The following WDFY4 variants were observed in gnomAD, a reference collection of about 807,000 sequenced individuals.
WDFY4 encodes WDFY family member 4.
Under a neutral mutation model 351.9 loss-of-function variants are expected in WDFY4, and 169 were observed. The ratio of observed to expected loss-of-function variants is 0.48; its 90% CI spans 0.42 to 0.55. The LOEUF (loss-of-function observed/expected upper bound fraction) is 0.55, where lower values mean the gene tolerates loss of function less well. WDFY4 is among the 20% of genes least tolerant of loss of function. The pLI is 0.00. For synonymous variants in WDFY4, 1,622 were observed against 1,574.6 expected (o/e 1.03, Z -0.71); for missense variants, 3,803 against 3,935.6 (o/e 0.97, Z 0.90).
Position 48,890,681 on chromosome 10 carries a change from C to T in WDFY4, c.7270C>T (p.Leu2424=), listed in dbSNP as rs2070658443. The change falls in exon 44 of 62, where the codon CTG becomes TTG. Residue 2424 remains leucine, a synonymous_variant. Coordinates refer to ENST00000325239, the MANE Select transcript of WDFY4 (RefSeq NM_001394531.1). ...CTTCTACATCTGCGAGAACTTCACA[C>T]TGTCTCCCACGGGTGATGTCTACTG... The part of the protein sequence containing the change: ...QHFYICENFT[L]SPTGDVYCTR... 6.4e-7 allele frequency: 1 copy of T among 1,551,714 alleles called. No homozygotes were observed. The highest frequency in any genetic ancestry group is 8.7e-7 in the Non-Finnish European group (1 of 1,146,978).
chr10:48,733,348 A>G (rs2064533930), intron 9 of WDFY4, among the ~76,000 whole-genome samples: 1 of 152,072 alleles, frequency 6.6e-6, no homozygotes, highest in Non-Finnish European at 1.5e-5. Context: ...TGAGCTTCCA[A>G]TTTGTGTCAG....
chr10:48,810,898 CT>C (rs958443892), intron 29 of WDFY4, among the ~76,000 whole-genome samples, 163 bp downstream of exon 29: 7 of 152,230 alleles, frequency 4.6e-5, no homozygotes, highest in Non-Finnish European at 1.0e-4. Flanking sequence ...CCCAGCCCCC[CT>C]GACATCCTTT....
chr10:48,825,557 C>G (rs1293224094), intron 35 of WDFY4, among the ~76,000 whole-genome samples: 1 of 152,292 alleles, frequency 6.6e-6, no homozygotes, highest in East Asian at 1.9e-4. Context: ...GATGGTTGAA[C>G]AAATTTACAT....
At chr10:48,912,019 C>T (rs1370540217) in intron 47 of WDFY4, among the ~76,000 whole-genome samples, 1 of 152,210 alleles carries the variant, frequency 6.6e-6, no homozygotes. Context: ...TCATCATCCA[C>T]TCAGCAAACT....
At chr10:48,935,111 A>G (rs1840272243) in intron 47 of WDFY4, 1 of 152,300 alleles carries the variant, frequency 6.6e-6, no homozygotes, top group South Asian at 2.1e-4. Context: ...GTAGAGATCC[A>G]AGCAGTTGTT....
intron 31 of WDFY4, among the ~76,000 whole-genome samples, chr10:48,816,458 T>A (rs2067623470): frequency 6.6e-6 from 1 of 152,270 alleles, no homozygotes; most frequent in Admixed American, 6.5e-5. Context: ...GTTTTTAAAC[T>A]TTTGTTCTCT....
At chr10:48,757,720 T>G (rs139180746) in intron 12 of WDFY4, among the ~76,000 whole-genome samples, 117 of 152,164 alleles carry the variant, frequency 7.7e-4, no homozygotes, top group African/African-American at 2.7e-3. Flanking sequence ...TAGTATTCAA[T>G]TTGAGTTTAT....
At chr10:48,910,278 A>G in intron 47 of WDFY4, 1 of 1,613,022 alleles carries the variant, frequency 6.2e-7, no homozygotes, top group Non-Finnish European at 8.5e-7. Flanking sequence ...GAGACACAAG[A>G]AGGTGAGGCA....
chr10:48,948,950 G>C (rs547681493), intron 51 of WDFY4, among the ~76,000 whole-genome samples: 3 of 152,338 alleles, frequency 2.0e-5, no homozygotes, highest in African/African-American at 7.2e-5. Flanking sequence ...GGATATCTGG[G>C]CTATGGCCAC....
Position 48,807,937 on chromosome 10 carries a change from C to T in WDFY4, c.4817C>T (p.Pro1606Leu). 5 of 1,547,770 alleles carry T rather than the reference C, an allele frequency of 3.2e-6. No individual in the cohort carries two copies. Among genetic ancestry groups the T allele is most frequent in the Middle Eastern group, 3.3e-4 (2 of 5,978 alleles). ...LEMLLSVISSPQLHLSSESKE... is the reference protein window; with the variant it reads ...LEMLLSVISSLQLHLSSESKE... The stretch of plus-strand genomic sequence containing the variant: ...ATGCTGCTCAGTGTAATATCTTCCC[C>T]CCAGCTTCATCTGTCCTCTGAGTAA... Residue 1606 changes from proline to leucine, a missense_variant, in exon 28 of 62, where the codon CCC (proline) becomes CTC (leucine). Pro to Leu is a moderately conservative substitution (Grantham distance 98, BLOSUM62 -3). Transcript: ENST00000325239.
At chr10:48,844,892 C>T (rs1005490157) in intron 39 of WDFY4, among the ~76,000 whole-genome samples, 1 of 152,138 alleles carries the variant, frequency 6.6e-6, no homozygotes, top group South Asian at 2.1e-4. Context: ...ATTCTAGGTA[C>T]ATAAAGAAAT....
In WDFY4 at chr10:48,867,353, A is replaced by G; in HGVS notation, c.6741+11A>G. ...AAAGACCATGTGCAAGTAAGAAACA[A>G]AACATAGGCTTTCTCTATACAGCAA... is the stretch of plus-strand genomic sequence containing the variant. On this transcript the variant is annotated intron_variant, in intron 40 of 61. Transcript: ENST00000325239. The G allele has an allele frequency of 6.8e-7, 1 of 1,469,060 alleles. No individual in the cohort carries two copies. The highest frequency in any genetic ancestry group is 2.6e-5 in the East Asian group (1 of 38,398). The allele number at this position is 1,469,060 out of a possible 1,614,324, so 91.0% of individuals were successfully genotyped here.
intron 45 of WDFY4, 78 bp downstream of exon 45, chr10:48,897,652 G>T: frequency 6.6e-7 from 1 of 1,507,894 alleles, no homozygotes; most frequent in Non-Finnish European, 8.9e-7. Flanking sequence ...GAGCCATCCA[G>T]AGACACACCT....
At chr10:48,951,664 T>C (rs193106663) in intron 51 of WDFY4, among the ~76,000 whole-genome samples, 1 of 152,308 alleles carries the variant, frequency 6.6e-6, no homozygotes, top group African/African-American at 2.4e-5. Flanking sequence ...CGGGGTCTTA[T>C]TATGTTGCCC....
chr10:48,844,254 G>T (rs2068703248), intron 39 of WDFY4, among the ~76,000 whole-genome samples: 1 of 152,208 alleles, frequency 6.6e-6, no homozygotes, highest in African/African-American at 2.4e-5. Flanking sequence ...AAAGAAGGAA[G>T]GAGAGATGGA....
rs555759261 is a variant in WDFY4, at chr10:48,718,710, C to T, written c.235-1301C>T. On this transcript the variant is annotated intron_variant, in intron 2 of 61. Transcript: ENST00000325239. ...TCTGGAATGAGCCCTTCTCATCGCA[C>T]GACTAGGAAACTTAGTCAGTCCTAC... Among the ~76,000 whole-genome samples the T allele has an allele frequency of 3.1e-4, 47 of 152,300 alleles. No individual in the cohort carries two copies. The South Asian group carries it at 8.1e-3, about 26-fold the overall frequency.
rs376722367 is a variant in WDFY4, at chr10:48,810,664, C to T, written c.4973C>T (p.Thr1658Ile). 2 of 1,551,692 alleles carry T rather than the reference C, an allele frequency of 1.3e-6. No individual in the cohort carries two copies. Among genetic ancestry groups the T allele is most frequent in the African/African-American group, 1.4e-5 (1 of 73,160 alleles). ...TTTCTGGCAAGCCCCTCCCTCCGCA[C>T]ACGGTTTAGAGATGGCCTGTGTGCA... ...LYFLASPSLR[T>I]RFRDGLCAGS... The change falls in exon 29 of 62, where the codon ACA becomes ATA. Residue 1658 changes from threonine (T) to isoleucine (I), a missense_variant. Coordinates refer to ENST00000325239, the MANE Select transcript of WDFY4 (RefSeq NM_001394531.1).
chr10:48,757,678 C>T, intron 12 of WDFY4, among the ~76,000 whole-genome samples: 1 of 151,500 alleles, frequency 6.6e-6, no homozygotes, highest in East Asian at 1.9e-4. Flanking sequence ...CTTCTGTTTG[C>T]CTGCCTTTTT....
intron 1 of WDFY4, among the ~76,000 whole-genome samples, chr10:48,691,249 C>A (rs1161455905): frequency 6.6e-6 from 1 of 152,100 alleles, no homozygotes; most frequent in Non-Finnish European, 1.5e-5. Context: ...GCTCGGTGGT[C>A]ACCCTGACTT....
Sources: allele counts gnomAD v4.1 joint callset (sites outside exome capture counted in the v4.1 genomes callset), GRCh38; gene constraint gnomAD v4.1.1; transcripts MANE v1.5; gene names NCBI Gene and HGNC (gene_info 2026-07-23, HGNC 2026-07-21).